OMD: variants seen among roughly 807,000 people sequenced by gnomAD.
The protein encoded by OMD is KSPG osteomodulin.
A neutral mutation model predicts 31.2 loss-of-function variants in OMD; 19 were observed. The observed-to-expected ratio is 0.61, with a 90% CI of 0.42 to 0.89. OMD has a LOEUF of 0.89. OMD is among the 40% of genes least tolerant of loss of function. The pLI, the probability that OMD is intolerant of heterozygous loss-of-function variation, is 0.00. For missense variants in OMD, 448 were observed against 490.8 expected (o/e 0.91, Z 0.82); for synonymous variants, 155 against 166.4 (o/e 0.93, Z 0.53).
At chr9:92,415,613 CTTTTT>C in intron 2 of OMD, 136 bp from the exon 3 acceptor site, 1 of 399,908 alleles carries the variant, frequency 2.5e-6, no homozygotes, top group Non-Finnish European at 4.2e-6. Flanking sequence ...ATTAGGTTTC[CTTTTT>C]ATATTAATCA....
At chr9:92,424,056 A>G (rs1843894149) in intron 1 of OMD, 146 bp downstream of exon 1, 1 of 152,218 alleles carries the variant, frequency 6.6e-6, no homozygotes, top group Non-Finnish European at 1.5e-5. Context: ...AAAGTTTAAC[A>G]TAACTTTTTT....
At position 92,412,385 on chromosome 9, in the gene OMD, C is replaced by G. The variant is rs1282965350; in HGVS notation, c.*2767G>C. ...TACAGATATGAGCCACTGCACCCAGCCTAAAGTATACAATTTAATAGTACT... is the reference window on the plus strand; with the variant it reads ...TACAGATATGAGCCACTGCACCCAGGCTAAAGTATACAATTTAATAGTACT... On this transcript the variant is annotated 3_prime_UTR_variant, in exon 3 of 3. Transcript: ENST00000375550. 1.3e-5 allele frequency among the ~76,000 whole-genome samples: 2 copies of G among 152,124 alleles called. No homozygotes were observed. Among genetic ancestry groups the G allele is most frequent in the Non-Finnish European group, 1.5e-5 (1 of 68,032 alleles).
intron 1 of OMD, among the ~76,000 whole-genome samples, chr9:92,420,281 A>G (rs944917692): frequency 2.6e-5 from 4 of 152,224 alleles, no homozygotes; most frequent in Middle Eastern, 3.4e-3. Flanking sequence ...TCCCTCATCC[A>G]TACCTCCCAA....
chr9:92,416,615 ATACT>A lies in OMD; in HGVS notation c.940_940+3del. The A allele has an allele frequency of 6.7e-7, 1 of 1,486,202 alleles. No individual in the cohort carries two copies. Among genetic ancestry groups the A allele is most frequent in the African/African-American group, 1.4e-5 (1 of 70,960 alleles). The allele number at this position is 1,486,202 out of a possible 1,614,324, so 92.1% of individuals were successfully genotyped here. A position where few individuals can be genotyped will look rare whatever the true frequency, so the allele number is the denominator to read the frequency against. On this transcript the variant is annotated splice_donor_variant and splice_donor_region_variant and coding_sequence_variant and intron_variant, in exon 2 of 3. Coordinates refer to ENST00000375550, the MANE Select transcript of OMD (RefSeq NM_005014.3). LOFTEE classifies it high-confidence loss of function. The stretch of plus-strand genomic sequence containing the variant: ...TCTTCAAAACACAATAAAAGTCTAC[ATACT>A]TTCTATTTCATTATTTTGTAGGTAT...
At chr9:92,419,481 A>G (rs996418581) in intron 1 of OMD, among the ~76,000 whole-genome samples, 1 of 151,746 alleles carries the variant, frequency 6.6e-6, no homozygotes, top group African/African-American at 2.4e-5. Context: ...TTGTATTTTT[A>G]GTAGAGATGG....
chr9:92,420,112 C>T (rs1282828265), intron 1 of OMD, among the ~76,000 whole-genome samples: 1 of 152,270 alleles, frequency 6.6e-6, no homozygotes. Context: ...CCCATGCACC[C>T]GCATCCTGGG....
Position 92,414,033 on chromosome 9 carries a change from T to G in OMD, c.*1119A>C, listed in dbSNP as rs995619150. ...TGGTATTTGTCCCTTATCTGAGAAA[T>G]TCTATGAAACATTAGCATGGTATAT... On this transcript the variant is annotated 3_prime_UTR_variant, in exon 3 of 3. Transcript: ENST00000375550. Among the ~76,000 whole-genome samples, 6 of 152,316 alleles carry G rather than the reference T, an allele frequency of 3.9e-5. No homozygotes were observed. The East Asian group carries it at 1.2e-3, about 29-fold the overall frequency.
intron 1 of OMD, among the ~76,000 whole-genome samples, chr9:92,420,763 T>G (rs1328630500): frequency 6.6e-6 from 1 of 152,228 alleles, no homozygotes; most frequent in African/African-American, 2.4e-5. Flanking sequence ...TTTTGTTTTT[T>G]TTTTAACAAT....
intron 2 of OMD, among the ~76,000 whole-genome samples, chr9:92,416,079 T>C (rs970471251): frequency 7.0e-6 from 1 of 142,580 alleles, no homozygotes; most frequent in Non-Finnish European, 1.5e-5. Context: ...TATTTATTTA[T>C]TTATTTATTT....
chr9:92,416,563 T>A, intron 2 of OMD, 56 bp downstream of exon 2: 1 of 1,134,850 alleles, frequency 8.8e-7, no homozygotes, highest in East Asian at 2.5e-5. Context: ...TTTTTTTCTT[T>A]AAAAGATCAG....
chr9:92,421,053 CTT>C (rs968117485), intron 1 of OMD, among the ~76,000 whole-genome samples: 1 of 151,582 alleles, frequency 6.6e-6, no homozygotes, highest in African/African-American at 2.4e-5. Context: ...ATTAGCCTAA[CTT>C]TTTTTTTCTG....
chr9:92,415,092 A>G lies in OMD; in HGVS notation c.*60T>C. ...CTTTGAGTAATACATGTTTACTTAGATTTACTATATTAAGTATAGGTTTTG... is the reference window on the plus strand; with the variant it reads ...CTTTGAGTAATACATGTTTACTTAGGTTTACTATATTAAGTATAGGTTTTG... On this transcript the variant is annotated 3_prime_UTR_variant, in exon 3 of 3. Transcript: ENST00000375550. 8.0e-7 allele frequency: 1 copy of G among 1,251,706 alleles called. No homozygotes were observed. The highest frequency in any genetic ancestry group is 1.1e-6 in the Non-Finnish European group (1 of 902,346). The allele number at this position is 1,251,706 out of a possible 1,614,324, so 77.5% of individuals were successfully genotyped here.
chr9:92,412,977 T>C lies in OMD; in HGVS notation c.*2175A>G, dbSNP rs1364238720. ...TCGCTGGGTTATATGTAACTAAGCT[T>C]TTTTTTTTTTTTTTTTTTTTTTTTG... is the stretch of plus-strand genomic sequence containing the variant. On this transcript the variant is annotated 3_prime_UTR_variant, in exon 3 of 3. Coordinates refer to ENST00000375550, the MANE Select transcript of OMD (RefSeq NM_005014.3). Among the ~76,000 whole-genome samples the C allele has an allele frequency of 1.3e-5, 1 of 78,382 alleles. No homozygotes were observed. The highest frequency in any genetic ancestry group is 3.6e-5 in the Non-Finnish European group (1 of 27,714). 51.4% of individuals were successfully genotyped at this position (78,382 alleles called of 152,430 possible). A position where few individuals can be genotyped will look rare whatever the true frequency, so the allele number is the denominator to read the frequency against.
In OMD at chr9:92,415,461, C is replaced by T. The variant is rs759835154; in HGVS notation, c.957G>A (p.Val319=). 1.2e-6 allele frequency: 2 copies of T among 1,601,468 alleles called. No homozygotes were observed. Among genetic ancestry groups the T allele is most frequent in the Non-Finnish European group, 1.7e-6 (2 of 1,172,736 alleles). Residue 319 remains valine, a synonymous_variant, in exon 3 of 3, where the codon GTG becomes GTA. Coordinates refer to ENST00000375550, the MANE Select transcript of OMD (RefSeq NM_005014.3). ...GTAGTGGGTCAATAGAAGGACACAT[C>T]ACTGTAAGATTCATCTCTGAAAGAA... ...NNEIEKMNLT[V]MCPSIDPLHY...
chr9:92,412,581 G>A lies in OMD; in HGVS notation c.*2571C>T, dbSNP rs1458544789. 6.6e-6 allele frequency among the ~76,000 whole-genome samples: 1 copy of A among 152,182 alleles called. No individual in the cohort carries two copies. On this transcript the variant is annotated 3_prime_UTR_variant, in exon 3 of 3. Transcript: ENST00000375550. Reference sequence around the variant, plus strand: ...TGTCTCCATAGATTTCCCAGTTCTGGACATTTCATAAAGATGGAATCATAC... The same window carrying A: ...TGTCTCCATAGATTTCCCAGTTCTGAACATTTCATAAAGATGGAATCATAC...
At chr9:92,416,552 A>ATTT in intron 2 of OMD, 67 bp downstream of exon 2, 1 of 1,034,016 alleles carries the variant, frequency 9.7e-7, no homozygotes, top group Non-Finnish European at 1.4e-6. Context: ...CTTATTGAAT[A>ATTT]TTTTTTTCTT....
rs1031216330 is a variant in OMD at position 92,412,623 on chromosome 9, C to T, written c.*2529G>A. Among the ~76,000 whole-genome samples the T allele has an allele frequency of 5.3e-5, 8 of 152,266 alleles. No homozygotes were observed. Among genetic ancestry groups the T allele is most frequent in the East Asian group, 3.9e-4 (2 of 5,178 alleles). ...GAATCATACAATTTGTGTCTTTTTACGACTGACTTCTTTCACTGAGCATAA... is the reference window on the plus strand; with the variant it reads ...GAATCATACAATTTGTGTCTTTTTATGACTGACTTCTTTCACTGAGCATAA... On this transcript the variant is annotated 3_prime_UTR_variant, in exon 3 of 3. Coordinates refer to ENST00000375550, the MANE Select transcript of OMD (RefSeq NM_005014.3).
chr9:92,417,680 A>G (rs1843660010), intron 1 of OMD, 106 bp from the exon 2 acceptor site: 1 of 657,248 alleles, frequency 1.5e-6, no homozygotes, highest in East Asian at 2.9e-5. Flanking sequence ...ATGTCTATAT[A>G]TAAAAGAATA....
Position 92,413,861 on chromosome 9 carries a change from G to A in OMD, c.*1291C>T, listed in dbSNP as rs1056441971. The stretch of plus-strand genomic sequence containing the variant: ...ATAATGCTAATAATTCCTCAAAGAT[G>A]TAAAGAGCATTAAAGACTTCACTTT... On this transcript the variant is annotated 3_prime_UTR_variant, in exon 3 of 3. Coordinates refer to ENST00000375550, the MANE Select transcript of OMD (RefSeq NM_005014.3). Among the ~76,000 whole-genome samples, 1 of 152,186 alleles carries A rather than the reference G, an allele frequency of 6.6e-6. No homozygotes were observed. Among genetic ancestry groups the A allele is most frequent in the Non-Finnish European group, 1.5e-5 (1 of 68,030 alleles).
Sources: allele counts gnomAD v4.1 joint callset (sites outside exome capture counted in the v4.1 genomes callset), GRCh38; gene constraint gnomAD v4.1.1; transcripts MANE v1.5; gene names NCBI Gene and HGNC (gene_info 2026-07-23, HGNC 2026-07-21).